Variants in CNTNAP2 observed in about 807,000 individuals in gnomAD.
CNTNAP2 encodes the protein contactin associated protein 2, also known as contactin-associated protein-like 2.
CNTNAP2 carries 98 observed loss-of-function variants against 155.2 expected under a neutral mutation model. The ratio of observed to expected loss-of-function variants is 0.63; its 90% CI spans 0.54 to 0.75. The LOEUF (loss-of-function observed/expected upper bound fraction) is 0.75. Among genes scored for constraint, CNTNAP2 ranks in the 30% least tolerant of loss-of-function variants. CNTNAP2 has a pLI of 0.00. For missense variants in CNTNAP2, 1,727 were observed against 1,688.1 expected (o/e 1.02, Z -0.40); for synonymous variants, 651 against 631.2 (o/e 1.03, Z -0.47).
chr7:146,835,812 A>C (rs1337079822), intron 2 of CNTNAP2, among the ~76,000 whole-genome samples: 13 of 152,160 alleles, frequency 8.5e-5, no homozygotes, highest in Admixed American at 8.5e-4. Flanking sequence ...GAAATTAGTT[A>C]CAGGGAGGAG....
intron 1 of CNTNAP2, among the ~76,000 whole-genome samples, chr7:146,574,084 C>A (rs1471211135): frequency 2.6e-5 from 4 of 152,108 alleles, no homozygotes; most frequent in East Asian, 3.9e-4. Flanking sequence ...TCCTATGAGG[C>A]GTGCTTGACA....
chr7:146,908,191 C>A (rs1241201034), intron 3 of CNTNAP2, among the ~76,000 whole-genome samples: 1 of 152,132 alleles, frequency 6.6e-6, no homozygotes, highest in Non-Finnish European at 1.5e-5. Flanking sequence ...GACTCCCAAA[C>A]ATTAATAATG....
intron 11 of CNTNAP2, among the ~76,000 whole-genome samples, chr7:147,510,871 A>ATAT (rs1799006293): frequency 2.8e-5 from 4 of 141,942 alleles, no homozygotes; most frequent in African/African-American, 1.1e-4. Flanking sequence ...ATATATATAT[A>ATAT]ATGCTTCCTC....
At chr7:148,238,575 T>C (rs1445969340) in intron 20 of CNTNAP2, among the ~76,000 whole-genome samples, 1 of 152,222 alleles carries the variant, frequency 6.6e-6, no homozygotes, top group African/African-American at 2.4e-5. Context: ...TTGTGTTTTC[T>C]TTGGAGTCAC....
At position 147,012,298 on chromosome 7, in the gene CNTNAP2, G is replaced by C. The variant is rs995905276; in HGVS notation, c.403-31609G>C. ...TAAGGTTTGTCATGGTTATATAAGA[G>C]CATATTCTTGTTTGTAGAAATTACA... On this transcript the variant is annotated intron_variant, in intron 3 of 23. Coordinates refer to ENST00000361727, the MANE Select transcript of CNTNAP2 (RefSeq NM_014141.6). Among the ~76,000 whole-genome samples the C allele has an allele frequency of 4.6e-5, 7 of 152,098 alleles. No individual in the cohort carries two copies. The South Asian group carries it at 1.4e-3, about 32-fold the overall frequency.
chr7:148,002,786 CTG>C (rs1277285380), intron 15 of CNTNAP2, among the ~76,000 whole-genome samples: 4 of 152,200 alleles, frequency 2.6e-5, no homozygotes, highest in Non-Finnish European at 4.4e-5. Context: ...TGATTCATCT[CTG>C]TATCTGCCAC....
chr7:147,200,855 C>T (rs1232115937), intron 8 of CNTNAP2, among the ~76,000 whole-genome samples: 2 of 152,116 alleles, frequency 1.3e-5, no homozygotes, highest in Non-Finnish European at 2.9e-5. Context: ...AGAAAGTCTT[C>T]GTTGTTTTTG....
At chr7:146,716,380 C>A (rs530163080) in intron 1 of CNTNAP2, among the ~76,000 whole-genome samples, 2 of 145,380 alleles carry the variant, frequency 1.4e-5, no homozygotes, top group African/African-American at 5.7e-5. Flanking sequence ...TTTAAAAAAA[C>A]TCAAAACAAA....
At chr7:148,237,313 G>A (rs1487849703) in intron 20 of CNTNAP2, among the ~76,000 whole-genome samples, 1 of 152,178 alleles carries the variant, frequency 6.6e-6, no homozygotes, top group Non-Finnish European at 1.5e-5. Context: ...GATAAAAAAG[G>A]TGTTTGTACT....
At chr7:147,887,615 AC>A (rs1227564651) in intron 13 of CNTNAP2, among the ~76,000 whole-genome samples, 2 of 152,208 alleles carry the variant, frequency 1.3e-5, no homozygotes, top group Non-Finnish European at 2.9e-5. Flanking sequence ...CCAGAAGCTG[AC>A]CTAAAGGCTT....
chr7:147,638,855 C>G (rs201751804), intron 12 of CNTNAP2: 240 of 438,904 alleles, frequency 5.5e-4, no homozygotes, highest in East Asian at 8.2e-4. Flanking sequence ...TTTTTTTTTT[C>G]TTTTTTTGCC....
At chr7:146,340,188 AAAAG>A in intron 1 of CNTNAP2, among the ~76,000 whole-genome samples, 1 of 149,638 alleles carries the variant, frequency 6.7e-6, no homozygotes, top group Non-Finnish European at 1.5e-5. Flanking sequence ...AAAAAAAAAA[AAAAG>A]AAATACATAG....
At chr7:147,090,162 G>A (rs1226561416) in intron 4 of CNTNAP2, among the ~76,000 whole-genome samples, 5 of 152,108 alleles carry the variant, frequency 3.3e-5, no homozygotes, top group Non-Finnish European at 7.3e-5. Context: ...GTAAAAATAT[G>A]GCCCTGTTCT....
At chr7:146,226,768 T>C (rs1049434043) in intron 1 of CNTNAP2, among the ~76,000 whole-genome samples, 1 of 152,110 alleles carries the variant, frequency 6.6e-6, no homozygotes, top group Non-Finnish European at 1.5e-5. Context: ...GAGAAAGGGA[T>C]GCAAATGAGA....
chr7:147,253,383 G>GTTTTTT (rs556721401), intron 8 of CNTNAP2, among the ~76,000 whole-genome samples: 2 of 118,566 alleles, frequency 1.7e-5, no homozygotes, highest in African/African-American at 6.1e-5. Context: ...CAGGTTCTCT[G>GTTTTTT]TTTTTTTTTT....
rs769152651 is a variant in CNTNAP2, at chr7:148,123,631, AGCAGGAAG to A, written c.2554+5345_2554+5352del. Among the ~76,000 whole-genome samples, 657 of 95,422 alleles carry A rather than the reference AGCAGGAAG, an allele frequency of 6.9e-3. 8 individuals are homozygous for A. Among genetic ancestry groups the A allele is most frequent in the African/African-American group, 0.027 (620 of 23,154 alleles). The allele number at this position is 95,422 out of a possible 152,430, so 62.6% of individuals were successfully genotyped here. On this transcript the variant is annotated intron_variant, in intron 16 of 23. Transcript: ENST00000361727. Reference sequence around the variant, plus strand: ...GAAGGAAGGGAGACAAGGAAGGGAGAGCAGGAAGGAAGGAAGGAAGGAAGGAAGGAAGG... The same window carrying A: ...GAAGGAAGGGAGACAAGGAAGGGAGAGAAGGAAGGAAGGAAGGAAGGAAGG...
At chr7:147,609,059 C>T (rs1160176924) in intron 12 of CNTNAP2, among the ~76,000 whole-genome samples, 1 of 152,136 alleles carries the variant, frequency 6.6e-6, no homozygotes, top group Non-Finnish European at 1.5e-5. Context: ...GTGCAGGTCA[C>T]AGGTGATATG....
At chr7:146,700,707 A>T (rs989471923) in intron 1 of CNTNAP2, among the ~76,000 whole-genome samples, 2 of 152,018 alleles carry the variant, frequency 1.3e-5, no homozygotes, top group Admixed American at 6.6e-5. Context: ...TAGAGAAGAG[A>T]AGAGAAACAA....
chr7:146,722,966 G>A (rs1291721698), intron 1 of CNTNAP2, among the ~76,000 whole-genome samples: 1 of 152,064 alleles, frequency 6.6e-6, no homozygotes, highest in African/African-American at 2.4e-5. Context: ...AGTGAGCCAA[G>A]ATTGTGCCAC....
Sources: gnomAD v4.1 joint callset for allele counts (sites outside exome capture counted in the v4.1 genomes callset) on GRCh38, gnomAD v4.1.1 for gene constraint, MANE v1.5 for transcripts, NCBI Gene and HGNC (gene_info 2026-07-23, HGNC 2026-07-21) for gene names.